Variants in SMAD1 observed in about 807,000 individuals in gnomAD.
SMAD1 encodes the protein MAD, mothers against decapentaplegic homolog 1.
SMAD1 carries 6 observed loss-of-function variants against 41.6 expected under a neutral mutation model. The ratio of observed to expected loss-of-function variants is 0.14; its 90% CI spans 0.08 to 0.28. SMAD1 has a LOEUF of 0.28. SMAD1 is among the 10% of genes least tolerant of loss of function. SMAD1 has a pLI of 1.00. For missense variants in SMAD1, 379 were observed against 582.6 expected, an observed-to-expected ratio of 0.65 and a Z score of 3.60; for synonymous variants, 206 against 203.2, an observed-to-expected ratio of 1.01 and a Z score of -0.12.
intron 2 of SMAD1, among the ~76,000 whole-genome samples, chr4:145,530,199 CTG>C (rs1731248249): frequency 6.6e-6 from 1 of 152,164 alleles, no homozygotes; most frequent in Non-Finnish European, 1.5e-5. Flanking sequence ...CAATGAAAGT[CTG>C]TGTAGGGCAC....
At chr4:145,546,649 T>G in intron 4 of SMAD1, 54 bp from the exon 5 acceptor site, 1 of 1,333,640 alleles carries the variant, frequency 7.5e-7, no homozygotes, top group Non-Finnish European at 1.1e-6. Flanking sequence ...CGGTTTCAGT[T>G]TTTGAGAGCC....
At position 145,514,361 on chromosome 4, in the gene SMAD1, C is replaced by T. The variant is rs1032696755; in HGVS notation, c.-176-77C>T. ...TTACATAAAAGCACTTAAAATAGTA[C>T]CTAGCACATGGTGATTACTTAATAA... On this transcript the variant is annotated intron_variant, in intron 1 of 6. Coordinates refer to ENST00000302085, the MANE Select transcript of SMAD1 (RefSeq NM_005900.3). The surrounding 1 kb of genome is among the most constrained non-coding windows in gnomAD (Gnocchi z 4.7). 9.7e-6 allele frequency: 4 copies of T among 414,090 alleles called. No homozygotes were observed. The highest frequency in any genetic ancestry group is 8.1e-5 in the Admixed American group (2 of 24,672). The allele number at this position is 414,090 out of a possible 1,614,324, so 25.7% of individuals were successfully genotyped here. A position where few individuals can be genotyped will look rare whatever the true frequency, so the allele number is the denominator to read the frequency against.
chr4:145,492,624 A>G lies in SMAD1; in HGVS notation c.-177+10586A>G, dbSNP rs912650938. ...TTTTATAGGCATGATTGATTATACC[A>G]TTGGCCACTGGTGATCAACTTAACC... On this transcript the variant is annotated intron_variant, in intron 1 of 6. Transcript: ENST00000302085. Among the ~76,000 whole-genome samples the G allele has an allele frequency of 2.6e-5, 4 of 152,236 alleles. No homozygotes were observed. The South Asian group carries it at 6.2e-4, about 24-fold the overall frequency.
At chr4:145,552,432 A>G (rs1578832083) in intron 5 of SMAD1, among the ~76,000 whole-genome samples, 1 of 152,240 alleles carries the variant, frequency 6.6e-6, no homozygotes, top group East Asian at 1.9e-4. Context: ...GGTGACCTGT[A>G]TAAAGTCATC....
rs931924660 is a variant in SMAD1 at position 145,559,021 on chromosome 4, A to G, written c.*1087A>G. Among the ~76,000 whole-genome samples, 2 of 152,050 alleles carry G rather than the reference A, an allele frequency of 1.3e-5. No homozygotes were observed. The highest frequency in any genetic ancestry group is 4.8e-5 in the African/African-American group (2 of 41,420). On this transcript the variant is annotated 3_prime_UTR_variant, in exon 7 of 7. Transcript: ENST00000302085. The stretch of plus-strand genomic sequence containing the variant: ...TTTGAATTCATTTCAAACTTTTTAA[A>G]TTTTTTTGTACTATGTTTGGTTTTA...
At chr4:145,520,686 G>A (rs1346251644) in intron 2 of SMAD1, among the ~76,000 whole-genome samples, 5 of 152,172 alleles carry the variant, frequency 3.3e-5, no homozygotes, top group Admixed American at 3.3e-4. Flanking sequence ...CTTTAAGTGG[G>A]CGGGGAAGTT....
At chr4:145,484,807 T>G (rs975791503) in intron 1 of SMAD1, 5 of 152,194 alleles carry the variant, frequency 3.3e-5, no homozygotes, top group Non-Finnish European at 7.3e-5. Context: ...TTATAAAATA[T>G]CAGTGGACCA....
At chr4:145,527,139 A>T (rs1490895107) in intron 2 of SMAD1, among the ~76,000 whole-genome samples, 1 of 152,154 alleles carries the variant, frequency 6.6e-6, no homozygotes, top group Admixed American at 6.6e-5. Context: ...ATTAGAATAA[A>T]ATATTAATAA....
chr4:145,522,254 G>A (rs1205666475), intron 2 of SMAD1, among the ~76,000 whole-genome samples: 3 of 151,786 alleles, frequency 2.0e-5, no homozygotes, highest in Admixed American at 6.6e-5. Flanking sequence ...AGCCGGGATC[G>A]CGCCACTGCA....
At chr4:145,490,492 G>T (rs1728715820) in intron 1 of SMAD1, among the ~76,000 whole-genome samples, 1 of 152,170 alleles carries the variant, frequency 6.6e-6, no homozygotes, top group Non-Finnish European at 1.5e-5. Context: ...GTGAAGTGTG[G>T]TGAGGCTGCT....
chr4:145,482,200 C>T lies in SMAD1; in HGVS notation c.-177+162C>T, dbSNP rs1331299373. Among the ~76,000 whole-genome samples the T allele has an allele frequency of 6.7e-6, 1 of 149,818 alleles. No homozygotes were observed. The highest frequency in any genetic ancestry group is 1.5e-5 in the Non-Finnish European group (1 of 67,508). ...CGCGGGCAGCGGCGGGAAGGGGGCT[C>T]TTTCTGCGCGGGGCGGGCCGCGACC... On this transcript the variant is annotated intron_variant, in intron 1 of 6. Transcript: ENST00000302085. The surrounding 1 kb of genome is among the most constrained non-coding windows in gnomAD (Gnocchi z 4.2).
chr4:145,551,043 G>A (rs1157746808), intron 5 of SMAD1, among the ~76,000 whole-genome samples: 1 of 151,960 alleles, frequency 6.6e-6, no homozygotes, highest in Non-Finnish European at 1.5e-5. Context: ...TGAATATTCT[G>A]AATATTACCT....
Position 145,528,249 on chromosome 4 carries a change from G to A in SMAD1, c.401-11555G>A, listed in dbSNP as rs181525753. On this transcript the variant is annotated intron_variant, in intron 2 of 6. Coordinates refer to ENST00000302085, the MANE Select transcript of SMAD1 (RefSeq NM_005900.3). ...CTCTTGAGTAGCTGGGATTACAGGC[G>A]CCCGCCACTACACCCAGCTAAATTT... Among the ~76,000 whole-genome samples, 225 of 151,442 alleles carry A rather than the reference G, an allele frequency of 1.5e-3. 6 individuals carry two copies. In the East Asian group the frequency reaches 0.032, roughly 22 times the overall value.
intron 5 of SMAD1, 88 bp downstream of exon 5, chr4:145,547,012 C>A (rs1732284601): frequency 5.6e-6 from 6 of 1,062,636 alleles, no homozygotes. Flanking sequence ...CTGTAACAAA[C>A]TGTTGTAGCA....
chr4:145,520,667 A>G (rs1353099623), intron 2 of SMAD1, among the ~76,000 whole-genome samples: 6 of 152,210 alleles, frequency 3.9e-5, no homozygotes, highest in Non-Finnish European at 7.3e-5. Context: ...ACAAGATGGG[A>G]TAAGTTGTCT....
chr4:145,554,859 G>A (rs1732753016), intron 6 of SMAD1, among the ~76,000 whole-genome samples: 1 of 152,164 alleles, frequency 6.6e-6, no homozygotes, highest in Non-Finnish European at 1.5e-5. Context: ...CTAATTATAT[G>A]TTTGAGTGAG....
chr4:145,501,792 C>T (rs1042607189), intron 1 of SMAD1, among the ~76,000 whole-genome samples: 1 of 151,430 alleles, frequency 6.6e-6, no homozygotes, highest in Non-Finnish European at 1.5e-5. Flanking sequence ...AGATATACTA[C>T]TTACCAGAAT....
At position 145,517,804 on chromosome 4, in the gene SMAD1, A is replaced by G. The variant is rs980501117; in HGVS notation, c.400+2791A>G. ...AGATGAATTTGTTACTCTTAATAAC[A>G]TATGTGCTAATAAAATAATGGGGAA... On this transcript the variant is annotated intron_variant, in intron 2 of 6. Transcript: ENST00000302085. Among the ~76,000 whole-genome samples, 7 of 125,704 alleles carry G rather than the reference A, an allele frequency of 5.6e-5. 2 individuals are homozygous for G. Among genetic ancestry groups the G allele is most frequent in the Admixed American group, 1.5e-4 (2 of 13,200 alleles). 82.5% of individuals were successfully genotyped at this position (125,704 alleles called of 152,430 possible). A position where few individuals can be genotyped will look rare whatever the true frequency, so the allele number is the denominator to read the frequency against.
chr4:145,517,676 A>C lies in SMAD1; in HGVS notation c.400+2663A>C, dbSNP rs541462229. Among the ~76,000 whole-genome samples, 56 of 70,166 alleles carry C rather than the reference A, an allele frequency of 8.0e-4. 13 individuals carry two copies. In the South Asian group the frequency reaches 0.026, roughly 33 times the overall value. 46.0% of individuals were successfully genotyped at this position (70,166 alleles called of 152,430 possible). ...TCATTTGGCCATTTTTTTAGTGCTG[A>C]ATTTTCAGTTTATCTATACCTTTTG... On this transcript the variant is annotated intron_variant, in intron 2 of 6. Transcript: ENST00000302085.
Sources: gnomAD v4.1 joint callset for allele counts (sites outside exome capture counted in the v4.1 genomes callset) on GRCh38, gnomAD v4.1.1 for gene constraint, Gnocchi (gnomAD v3.1) non-coding constraint, MANE v1.5 for transcripts, NCBI Gene and HGNC (gene_info 2026-07-23, HGNC 2026-07-21) for gene names.